Variants in MARCHF1 observed in about 807,000 individuals in gnomAD.
MARCHF1 encodes membrane associated ring-CH-type finger 1.
A neutral mutation model predicts 54.2 loss-of-function variants in MARCHF1; 40 were observed. The observed-to-expected ratio is 0.74, with a 90% CI of 0.57 to 0.96. The LOEUF (loss-of-function observed/expected upper bound fraction) is 0.96. Among genes scored for constraint, MARCHF1 ranks in the 40% least tolerant of loss-of-function variants. The pLI, the probability that MARCHF1 is intolerant of heterozygous loss-of-function variation, is 0.00. For synonymous variants in MARCHF1, 236 were observed against 236.3 expected (o/e 1.00, Z 0.01); for missense variants, 586 against 656.5 (o/e 0.89, Z 1.17).
At chr4:163,925,559 T>C (rs1751519437) in intron 3 of MARCHF1, among the ~76,000 whole-genome samples, 1 of 151,846 alleles carries the variant, frequency 6.6e-6, no homozygotes, top group African/African-American at 2.4e-5. Flanking sequence ...ACAATTTTGT[T>C]CAAAAGAAAA....
At chr4:163,718,728 T>C (rs572756915) in intron 4 of MARCHF1, among the ~76,000 whole-genome samples, 2 of 152,330 alleles carry the variant, frequency 1.3e-5, no homozygotes, top group South Asian at 2.1e-4. Flanking sequence ...CTATTTTGTT[T>C]TATAGCATGG....
At chr4:164,357,104 TAA>T (rs1352066867) in intron 1 of MARCHF1, among the ~76,000 whole-genome samples, 6 of 131,228 alleles carry the variant, frequency 4.6e-5, no homozygotes, top group Non-Finnish European at 6.6e-5. Flanking sequence ...CCCCTGAACT[TAA>T]GTTTTTTTTT....
At position 163,763,660 on chromosome 4, in the gene MARCHF1, C is replaced by A. The variant is rs191277398; in HGVS notation, c.112-62797G>T. On this transcript the variant is annotated intron_variant, in intron 4 of 9. Transcript: ENST00000514618. ...TAAAAAAAAGAAATATTTCAGCACA[C>A]GCTGCATATCATTTGACTGTAGTAT... Among the ~76,000 whole-genome samples the A allele has an allele frequency of 1.7e-3, 259 of 152,102 alleles. 3 individuals are homozygous for A. Among genetic ancestry groups the A allele is most frequent in the Non-Finnish European group, 5.4e-4 (37 of 67,926 alleles).
At position 163,585,856 on chromosome 4, in the gene MARCHF1, C is replaced by G; in HGVS notation, c.1084G>C (p.Val362Leu). 6.2e-7 allele frequency: 1 copy of G among 1,614,012 alleles called. No individual in the cohort carries two copies. Among genetic ancestry groups the G allele is most frequent in the Non-Finnish European group, 8.5e-7 (1 of 1,179,950 alleles). ...CACTGGTGGAGGCAGGACTGGTGGACAAAGCGCAGTGTCCCAGTGCAGCGA... is the reference window on the plus strand; with the variant it reads ...CACTGGTGGAGGCAGGACTGGTGGAGAAAGCGCAGTGTCCCAGTGCAGCGA... ...PCRCTGTLRF[V>L]HQSCLHQWIK... The change falls in exon 8 of 10, where the codon GTC becomes CTC. Residue 362 changes from valine (V) to leucine (L), a missense_variant. This residue lies in a region of MARCHF1 where 93 missense variants were observed against 168.2 expected (regional missense o/e 0.55). Transcript: ENST00000514618.
chr4:164,247,841 G>C (rs1247691479), intron 1 of MARCHF1, among the ~76,000 whole-genome samples: 1 of 148,764 alleles, frequency 6.7e-6, no homozygotes, highest in Non-Finnish European at 1.5e-5. Context: ...GGAGGTATTT[G>C]TATCTATCAT....
At chr4:164,211,982 A>G (rs953231940) in intron 1 of MARCHF1, among the ~76,000 whole-genome samples, 1 of 152,156 alleles carries the variant, frequency 6.6e-6, no homozygotes, top group Non-Finnish European at 1.5e-5. Flanking sequence ...AAGTCATGGA[A>G]CAAAGTCCCA....
At chr4:163,731,513 G>A (rs1385054518) in intron 4 of MARCHF1, among the ~76,000 whole-genome samples, 1 of 152,186 alleles carries the variant, frequency 6.6e-6, no homozygotes, top group East Asian at 1.9e-4. Context: ...GGAAAACCCA[G>A]GCAGTGATTA....
chr4:164,224,671 G>C (rs1035966828), intron 1 of MARCHF1, among the ~76,000 whole-genome samples: 1 of 151,942 alleles, frequency 6.6e-6, no homozygotes, highest in African/African-American at 2.4e-5. Flanking sequence ...TTATATAAGA[G>C]AGCTGGCTCA....
chr4:164,287,109 T>C (rs896852181), intron 1 of MARCHF1, among the ~76,000 whole-genome samples: 1 of 148,346 alleles, frequency 6.7e-6, no homozygotes, highest in Non-Finnish European at 1.5e-5. Context: ...ATTTATATTA[T>C]ATAAATATGT....
intron 4 of MARCHF1, among the ~76,000 whole-genome samples, chr4:163,761,275 T>G (rs1259740197): frequency 6.6e-6 from 1 of 152,238 alleles, no homozygotes; most frequent in Non-Finnish European, 1.5e-5. Flanking sequence ...GTTGTCTTTC[T>G]TCAAGCTTTG....
intron 1 of MARCHF1, among the ~76,000 whole-genome samples, chr4:164,133,699 A>C (rs1579560986): frequency 6.6e-6 from 1 of 152,172 alleles, no homozygotes. Context: ...AACATAGCCC[A>C]AAAAAAGAAC....
chr4:164,123,628 T>C (rs920738316), intron 1 of MARCHF1, among the ~76,000 whole-genome samples: 1 of 151,206 alleles, frequency 6.6e-6, no homozygotes, highest in Non-Finnish European at 1.5e-5. Flanking sequence ...CAGAATCGAG[T>C]ATGCAGAAAC....
At chr4:164,051,525 T>G (rs1400621734) in intron 2 of MARCHF1, among the ~76,000 whole-genome samples, 1 of 152,226 alleles carries the variant, frequency 6.6e-6, no homozygotes, top group Admixed American at 6.5e-5. Context: ...ATTTGTATTC[T>G]TATAGTAACT....
chr4:164,207,213 C>T (rs951659491), intron 1 of MARCHF1, among the ~76,000 whole-genome samples: 1 of 152,176 alleles, frequency 6.6e-6, no homozygotes, highest in Non-Finnish European at 1.5e-5. Context: ...TGCATAAAAA[C>T]ATTATTTCCT....
At chr4:164,351,168 G>T (rs572586428) in intron 1 of MARCHF1, among the ~76,000 whole-genome samples, 2 of 151,958 alleles carry the variant, frequency 1.3e-5, no homozygotes, top group Non-Finnish European at 2.9e-5. Context: ...ACTGCAAGGC[G>T]GCAGCGAGGC....
chr4:164,060,918 A>T (rs1314323436), intron 2 of MARCHF1, among the ~76,000 whole-genome samples: 1 of 152,182 alleles, frequency 6.6e-6, no homozygotes, highest in African/African-American at 2.4e-5. Flanking sequence ...AATTACTAAC[A>T]AAATGTTGAA....
intron 3 of MARCHF1, among the ~76,000 whole-genome samples, chr4:163,861,407 A>G (rs1579348457): frequency 2.0e-5 from 3 of 152,264 alleles, no homozygotes; most frequent in African/African-American, 7.2e-5. Flanking sequence ...ACACAAGGTT[A>G]ATATACAAAG....
At chr4:164,197,844 C>G in intron 1 of MARCHF1, 1 of 1,424,692 alleles carries the variant, frequency 7.0e-7, no homozygotes. Context: ...CCAATATTTA[C>G]AAATATTATA....
chr4:164,309,557 C>T (rs999826206), intron 1 of MARCHF1, among the ~76,000 whole-genome samples: 2 of 152,158 alleles, frequency 1.3e-5, no homozygotes, highest in South Asian at 2.1e-4. Flanking sequence ...GCTGTGGTGG[C>T]ATCATGATTT....
Sources: allele counts gnomAD v4.1 joint callset (sites outside exome capture counted in the v4.1 genomes callset), GRCh38; gene constraint gnomAD v4.1.1; regional missense constraint gnomAD v4.1.1; transcripts MANE v1.5; gene names NCBI Gene and HGNC (gene_info 2026-07-23, HGNC 2026-07-21).